The following EEFSEC variants were observed in gnomAD, a reference collection of about 807,000 sequenced individuals.
The protein encoded by EEFSEC is selenocysteine-specific elongation factor.
Under a neutral mutation model 42.1 loss-of-function variants are expected in EEFSEC, and 43 were observed. The observed-to-expected ratio is 1.02, with a 90% CI of 0.80 to 1.32. The LOEUF (loss-of-function observed/expected upper bound fraction) is 1.32, where lower values mean the gene tolerates loss of function less well. EEFSEC is among the 40% of genes most tolerant of loss of function. The pLI is 0.00. For synonymous variants in EEFSEC, 354 were observed against 339.1 expected (o/e 1.04, Z -0.48); for missense variants, 745 against 803.6 (o/e 0.93, Z 0.88).
At chr3:128,202,942 T>C (rs956351947) in intron 1 of EEFSEC, among the ~76,000 whole-genome samples, 2 of 152,224 alleles carry the variant, frequency 1.3e-5, no homozygotes, top group African/African-American at 4.8e-5. Context: ...TCCGTTAGTG[T>C]GGGGAATTAT....
intron 1 of EEFSEC, among the ~76,000 whole-genome samples, chr3:128,184,515 C>A (rs1313996278): frequency 1.3e-5 from 2 of 152,162 alleles, no homozygotes; most frequent in African/African-American, 4.8e-5. Context: ...TTTTTTAAGG[C>A]TGAATAATAT....
chr3:128,303,822 T>C (rs533975448), intron 4 of EEFSEC, among the ~76,000 whole-genome samples: 1 of 152,330 alleles, frequency 6.6e-6, no homozygotes, highest in African/African-American at 2.4e-5. Flanking sequence ...CATTCTTTCA[T>C]TCTTTTGCAT....
chr3:128,399,310 G>A (rs1447747679), intron 6 of EEFSEC, among the ~76,000 whole-genome samples: 2 of 152,118 alleles, frequency 1.3e-5, no homozygotes, highest in Non-Finnish European at 2.9e-5. Flanking sequence ...GCAACATTAA[G>A]ACATCAAAAT....
chr3:128,200,726 C>G (rs1350518154), intron 1 of EEFSEC, among the ~76,000 whole-genome samples: 2 of 152,192 alleles, frequency 1.3e-5, no homozygotes, highest in Non-Finnish European at 2.9e-5. Context: ...GAATTGGATG[C>G]AGGTTTCCCG....
At chr3:128,303,882 AT>A (rs749449737) in intron 4 of EEFSEC, among the ~76,000 whole-genome samples, 5 of 151,996 alleles carry the variant, frequency 3.3e-5, no homozygotes, top group Non-Finnish European at 5.9e-5. Flanking sequence ...ATCTAACTTT[AT>A]TTTCCCATGT....
rs148418330 is a variant in EEFSEC at position 128,292,260 on chromosome 3, G to T, written c.786+27479G>T. 5.1e-4 allele frequency among the ~76,000 whole-genome samples: 77 copies of T among 151,922 alleles called. No homozygotes were observed. The East Asian group carries it at 6.7e-3, about 13-fold the overall frequency. On this transcript the variant is annotated intron_variant, in intron 4 of 6. Transcript: ENST00000254730. ...TTTTAATTCATTTTGAATTTATGAG[G>T]TATATTGCTCTTAATTGTCCTTTCT...
chr3:128,311,475 T>TCCCA (rs2066889202), intron 4 of EEFSEC, among the ~76,000 whole-genome samples: 1 of 152,200 alleles, frequency 6.6e-6, no homozygotes, highest in Non-Finnish European at 1.5e-5. Context: ...GCCCTCTACG[T>TCCCA]CCCACTAAAA....
At chr3:128,356,628 C>T (rs1006170414) in intron 5 of EEFSEC, among the ~76,000 whole-genome samples, 1 of 152,136 alleles carries the variant, frequency 6.6e-6, no homozygotes, top group African/African-American at 2.4e-5. Flanking sequence ...ACAGGTGATG[C>T]ATTCATGTAT....
chr3:128,345,811 A>C (rs1485713684), intron 5 of EEFSEC, among the ~76,000 whole-genome samples: 1 of 152,244 alleles, frequency 6.6e-6, no homozygotes, highest in East Asian at 1.9e-4. Context: ...TAAGGCATAT[A>C]GGCCTTCTGA....
intron 6 of EEFSEC, among the ~76,000 whole-genome samples, chr3:128,393,882 C>G (rs775219193): frequency 5.9e-5 from 9 of 152,232 alleles, no homozygotes; most frequent in Non-Finnish European, 1.0e-4. Flanking sequence ...TGGCCCTGTC[C>G]TGGGCATTGG....
chr3:128,160,024 A>G (rs1559847910), intron 1 of EEFSEC, among the ~76,000 whole-genome samples: 1 of 152,154 alleles, frequency 6.6e-6, no homozygotes. Flanking sequence ...CTGGCATAGG[A>G]TAGATATTTA....
chr3:128,201,333 T>G (rs2065641656), intron 1 of EEFSEC, among the ~76,000 whole-genome samples: 2 of 151,442 alleles, frequency 1.3e-5, no homozygotes. Context: ...GGGGCAGAGA[T>G]AGGAGATGGG....
the EEFSEC span, among the ~76,000 whole-genome samples, chr3:128,425,432 T>C: frequency 6.6e-6 from 1 of 152,046 alleles, no homozygotes; most frequent in Non-Finnish European, 1.5e-5. Context: ...GCTTCCAGTT[T>C]GGGGTGACTG....
chr3:128,186,618 C>T (rs2065467793), intron 1 of EEFSEC, among the ~76,000 whole-genome samples: 1 of 152,050 alleles, frequency 6.6e-6, no homozygotes, highest in Non-Finnish European at 1.5e-5. Flanking sequence ...AGTAGAGGTC[C>T]AACTTAATTC....
At chr3:128,395,477 T>C (rs2067970268) in intron 6 of EEFSEC, among the ~76,000 whole-genome samples, 1 of 152,230 alleles carries the variant, frequency 6.6e-6, no homozygotes, top group Admixed American at 6.5e-5. Context: ...CTTCCCTTTC[T>C]TCCCAGGGCT....
intron 4 of EEFSEC, among the ~76,000 whole-genome samples, chr3:128,312,905 A>T (rs1395490064): frequency 6.6e-6 from 1 of 152,250 alleles, no homozygotes; most frequent in Non-Finnish European, 1.5e-5. Context: ...AGAAAGAGAT[A>T]GTTCCCTGGG....
At chr3:128,246,165 C>CT (rs1169832970) in intron 1 of EEFSEC, among the ~76,000 whole-genome samples, 1 of 152,164 alleles carries the variant, frequency 6.6e-6, no homozygotes, top group Non-Finnish European at 1.5e-5. Context: ...TGTAACTTGT[C>CT]TGTCTACCTG....
At chr3:128,305,474 CT>C (rs1340211507) in intron 4 of EEFSEC, among the ~76,000 whole-genome samples, 1 of 152,168 alleles carries the variant, frequency 6.6e-6, no homozygotes, top group Admixed American at 6.5e-5. Flanking sequence ...AAATTTGTCT[CT>C]CAAACCATCT....
intron 6 of EEFSEC, among the ~76,000 whole-genome samples, chr3:128,401,993 C>T (rs1440516493): frequency 2.0e-5 from 3 of 152,310 alleles, no homozygotes; most frequent in African/African-American, 4.8e-5. Context: ...GGCCCTCCCT[C>T]CCCTCCCCGG....
Sources: allele counts gnomAD v4.1 joint callset (sites outside exome capture counted in the v4.1 genomes callset), GRCh38; gene constraint gnomAD v4.1.1; transcripts MANE v1.5; gene names NCBI Gene and HGNC (gene_info 2026-07-23, HGNC 2026-07-21).